MSRB2: variants seen among roughly 807,000 people sequenced by gnomAD.
MSRB2 encodes methionine sulfoxide reductase B2.
Under a neutral mutation model 19.0 loss-of-function variants are expected in MSRB2, and 17 were observed. The ratio of observed to expected loss-of-function variants is 0.89; its 90% confidence interval spans 0.61 to 1.34. The LOEUF (loss-of-function observed/expected upper bound fraction) is 1.34, where lower values mean the gene tolerates loss of function less well. Ranked by LOEUF, MSRB2 falls within the 40% of genes most tolerant of loss-of-function variation. The pLI, the probability that MSRB2 is intolerant of heterozygous loss-of-function variation, is 0.00. For synonymous variants in MSRB2, 107 were observed against 99.7 expected (o/e 1.07, Z -0.44); for missense variants, 208 against 237.6 (o/e 0.88, Z 0.82).
chr10:23,114,568 A>G (rs1840090312), intron 3 of MSRB2, among the ~76,000 whole-genome samples: 1 of 152,184 alleles, frequency 6.6e-6, no homozygotes, highest in South Asian at 2.1e-4. Flanking sequence ...CTTGTCTAGT[A>G]AGTGATAGTG....
chr10:23,120,521 C>G (rs1173086378), intron 4 of MSRB2, among the ~76,000 whole-genome samples: 1 of 152,154 alleles, frequency 6.6e-6, no homozygotes, highest in African/African-American at 2.4e-5. Context: ...AGATGAGTAA[C>G]TGTAAAGGCC....
intron 3 of MSRB2, among the ~76,000 whole-genome samples, chr10:23,116,581 A>G (rs1840112403): frequency 1.3e-5 from 2 of 152,250 alleles, no homozygotes; most frequent in African/African-American, 4.8e-5. Context: ...CCACAAGTGC[A>G]CAGCCTCTGT....
At chr10:23,105,212 CTGTGTG>C (rs36039793) in intron 2 of MSRB2, among the ~76,000 whole-genome samples, 78 of 147,136 alleles carry the variant, frequency 5.3e-4, no homozygotes, top group Middle Eastern at 3.6e-3. Context: ...CTCTGTGTGT[CTGTGTG>C]TGTGTGTGTG....
intron 3 of MSRB2, 107 bp downstream of exon 3, chr10:23,110,425 G>GT: frequency 1.2e-6 from 1 of 868,162 alleles, no homozygotes; most frequent in Non-Finnish European, 1.8e-6. Flanking sequence ...TACCCATTTT[G>GT]TTTTTTAAAT....
At position 23,104,239 on chromosome 10, in the gene MSRB2, G is replaced by T; in HGVS notation, c.214G>T (p.Glu72Ter). 2 of 1,612,456 alleles carry T rather than the reference G, an allele frequency of 1.2e-6. No individual in the cohort carries two copies. Residue 72 changes from glutamate to a stop codon, truncating the protein, a stop_gained, in exon 2 of 5, where the codon GAA (glutamate) becomes TAA (stop). Transcript: ENST00000376510. LOFTEE classifies it high-confidence loss of function. The stretch of plus-strand genomic sequence containing the variant: ...CTACGTCACAAGAGAAAAGGGAACG[G>T]AACCGGTAAGCTAAGCTGGTTTACA... The part of the protein sequence containing the change: ...QFYVTREKGT[E>*]PPFSGIYLNN...
intron 1 of MSRB2, among the ~76,000 whole-genome samples, chr10:23,103,057 A>G (rs1322045054): frequency 1.3e-5 from 2 of 151,904 alleles, no homozygotes; most frequent in Admixed American, 6.5e-5. Context: ...AGTAATAAAA[A>G]GAAAGAAGAA....
chr10:23,117,051 T>G (rs1486514270), intron 3 of MSRB2, among the ~76,000 whole-genome samples: 1 of 152,274 alleles, frequency 6.6e-6, no homozygotes, highest in Non-Finnish European at 1.5e-5. Flanking sequence ...TTTTCTGGAG[T>G]CCTCTTGGCC....
At chr10:23,096,857 G>A (rs1839875142) in intron 1 of MSRB2, among the ~76,000 whole-genome samples, 1 of 152,166 alleles carries the variant, frequency 6.6e-6, no homozygotes, top group South Asian at 2.1e-4. Flanking sequence ...TTACCGACGA[G>A]CTCTCTATAA....
At chr10:23,106,618 C>A (rs1044860844) in intron 2 of MSRB2, among the ~76,000 whole-genome samples, 1 of 152,190 alleles carries the variant, frequency 6.6e-6, no homozygotes. Flanking sequence ...TAGAGCCCAG[C>A]GTTCTCTCTG....
Position 23,095,727 on chromosome 10 carries a change from G to C in MSRB2, c.118+1G>C. ...ACCGGGCCGGGACTGGGGGAGGCAG[G>C]TAGGACGCGGGTCCCGCAGGCCCCG... On this transcript the variant is annotated splice_donor_variant, in intron 1 of 4. Coordinates refer to ENST00000376510, the MANE Select transcript of MSRB2 (RefSeq NM_012228.4). LOFTEE classifies it high-confidence loss of function. 8.0e-7 allele frequency: 1 copy of C among 1,255,518 alleles called. No individual in the cohort carries two copies. 77.8% of individuals were successfully genotyped at this position (1,255,518 alleles called of 1,614,324 possible).
intron 1 of MSRB2, among the ~76,000 whole-genome samples, chr10:23,101,314 C>T (rs1839924132): frequency 6.6e-6 from 1 of 151,806 alleles, no homozygotes; most frequent in South Asian, 2.1e-4. Flanking sequence ...CCAATTCCAT[C>T]CAAGTTGCTG....
chr10:23,103,333 G>A (rs1839945734), intron 1 of MSRB2, among the ~76,000 whole-genome samples: 1 of 152,118 alleles, frequency 6.6e-6, no homozygotes. Context: ...AACCCTTTGG[G>A]CCTCTGTTTC....
intron 1 of MSRB2, among the ~76,000 whole-genome samples, chr10:23,101,134 T>G (rs1227303746): frequency 2.0e-5 from 3 of 152,226 alleles, no homozygotes; most frequent in African/African-American, 7.2e-5. Flanking sequence ...GTACCCAATG[T>G]GTAGTCTTTT....
intron 1 of MSRB2, among the ~76,000 whole-genome samples, chr10:23,103,125 A>G (rs1007803439): frequency 9.2e-5 from 14 of 152,354 alleles, no homozygotes; most frequent in Middle Eastern, 6.8e-3. Flanking sequence ...GCAATCAACT[A>G]TATGTATCAC....
chr10:23,119,354 C>G lies in MSRB2; in HGVS notation c.347C>G (p.Ala116Gly). 6.2e-7 allele frequency: 1 copy of G among 1,614,154 alleles called. No individual in the cohort carries two copies. Among genetic ancestry groups the G allele is most frequent in the East Asian group, 2.2e-5 (1 of 44,880 alleles). The change falls in exon 4 of 5, where the codon GCT becomes GGT. Residue 116 changes from alanine to glycine, a missense_variant. Ala to Gly is a moderately conservative substitution (Grantham distance 60). Coordinates refer to ENST00000376510, the MANE Select transcript of MSRB2 (RefSeq NM_012228.4). The stretch of plus-strand genomic sequence containing the variant: ...ACTGGGTGGCCTTCGTTTTCCGAGG[C>G]TCATGGTACGTCTGGCTCTGATGAA... ...SGTGWPSFSE[A>G]HGTSGSDESH...
At position 23,119,389 on chromosome 10, in the gene MSRB2, G is replaced by C. The variant is rs1163248567; in HGVS notation, c.382G>C (p.Gly128Arg). The C allele has an allele frequency of 6.2e-7, 1 of 1,614,080 alleles. No homozygotes were observed. The highest frequency in any genetic ancestry group is 8.5e-7 in the Non-Finnish European group (1 of 1,180,024). Residue 128 changes from glycine (G) to arginine (R), a missense_variant, in exon 4 of 5, where the codon GGG becomes CGG. Physicochemically the swap from Gly to Arg is moderately radical, Grantham distance 125. Coordinates refer to ENST00000376510, the MANE Select transcript of MSRB2 (RefSeq NM_012228.4). Reference sequence around the variant, plus strand: ...GTCTGGCTCTGATGAAAGCCACACAGGGATCCTGAGACGTCTGGATACCTC... The same window carrying C: ...GTCTGGCTCTGATGAAAGCCACACACGGATCCTGAGACGTCTGGATACCTC... Reference protein sequence around the residue: ...GTSGSDESHTGILRRLDTSLG... With the variant: ...GTSGSDESHTRILRRLDTSLG...
At chr10:23,106,881 T>A (rs1839992426) in intron 2 of MSRB2, among the ~76,000 whole-genome samples, 1 of 152,170 alleles carries the variant, frequency 6.6e-6, no homozygotes. Flanking sequence ...TCATCCCTCT[T>A]GAGTGTGTCA....
chr10:23,096,340 C>G (rs147819497), intron 1 of MSRB2, among the ~76,000 whole-genome samples: 1,606 of 81,252 alleles, frequency 0.02, 14 homozygotes, highest in Non-Finnish European at 0.024. Flanking sequence ...GTGTGTGTGT[C>G]TCTCTCTCTC....
At chr10:23,098,340 T>C (rs1268845124) in intron 1 of MSRB2, among the ~76,000 whole-genome samples, 1 of 152,168 alleles carries the variant, frequency 6.6e-6, no homozygotes, top group East Asian at 1.9e-4. Flanking sequence ...CAAGAGTGGA[T>C]TTCCTTAGGG....
Sources: allele counts gnomAD v4.1 joint callset (sites outside exome capture counted in the v4.1 genomes callset), GRCh38; gene constraint gnomAD v4.1.1; transcripts MANE v1.5; gene names NCBI Gene and HGNC (gene_info 2026-07-23, HGNC 2026-07-21).